Variants in FAR1 observed in about 807,000 individuals in gnomAD.
FAR1 encodes male sterility domain-containing protein 2.
In FAR1, 22 loss-of-function variants were observed where a neutral mutation model predicts 61.1. The observed-to-expected ratio is 0.36, with a 90% CI of 0.26 to 0.51. FAR1 has a LOEUF of 0.51. Ranked by LOEUF, FAR1 falls within the 20% of genes least tolerant of loss-of-function variation. The pLI is 0.95. For missense variants in FAR1, 359 were observed against 626.9 expected (o/e 0.57, Z 4.56); for synonymous variants, 206 against 209.7 (o/e 0.98, Z 0.15).
At chr11:13,689,839 A>G (rs887820590) in intron 1 of FAR1, among the ~76,000 whole-genome samples, 1 of 149,454 alleles carries the variant, frequency 6.7e-6, no homozygotes, top group African/African-American at 2.5e-5. Flanking sequence ...TAACTAATGA[A>G]GTTGAGCCCC....
At chr11:13,697,676 A>G (rs1488366926) in intron 2 of FAR1, among the ~76,000 whole-genome samples, 1 of 152,182 alleles carries the variant, frequency 6.6e-6, no homozygotes, top group African/African-American at 2.4e-5. Context: ...GAGCAGCATG[A>G]TCATGTCCTG....
At chr11:13,672,493 C>G (rs1385930016) in intron 1 of FAR1, among the ~76,000 whole-genome samples, 1 of 149,608 alleles carries the variant, frequency 6.7e-6, no homozygotes, top group Middle Eastern at 3.2e-3. Context: ...TGCAGTGAAC[C>G]TTGATCATGC....
In FAR1 at chr11:13,728,594, T is replaced by C. The variant is rs768032368; in HGVS notation, c.1386-18T>C. ...TCTAGAAAATACTGTCTAACATATCTCTTGATTTGCTTTCCAGGTTGCGGA... is the reference window on the plus strand; with the variant it reads ...TCTAGAAAATACTGTCTAACATATCCCTTGATTTGCTTTCCAGGTTGCGGA... On this transcript the variant is annotated intron_variant, in intron 11 of 11. Transcript: ENST00000354817. The C allele has an allele frequency of 6.2e-7, 1 of 1,605,988 alleles. No homozygotes were observed. Among genetic ancestry groups the C allele is most frequent in the Non-Finnish European group, 8.5e-7 (1 of 1,173,954 alleles).
chr11:13,673,065 A>G (rs2134164932), intron 1 of FAR1, among the ~76,000 whole-genome samples: 1 of 152,312 alleles, frequency 6.6e-6, no homozygotes, highest in South Asian at 2.1e-4. Flanking sequence ...GATATAGCTG[A>G]TCAACTTAAA....
chr11:13,674,317 A>G (rs893734572), intron 1 of FAR1, among the ~76,000 whole-genome samples: 2 of 151,494 alleles, frequency 1.3e-5, no homozygotes, highest in African/African-American at 4.8e-5. Context: ...TCAAAAAAAA[A>G]AAAAAAAGAA....
intron 1 of FAR1, among the ~76,000 whole-genome samples, chr11:13,676,759 GCA>G (rs1169327612): frequency 2.6e-5 from 4 of 152,192 alleles, no homozygotes; most frequent in African/African-American, 9.6e-5. Context: ...ACAGAGCTGT[GCA>G]CAGACTGTTC....
intron 6 of FAR1, 47 bp downstream of exon 6, chr11:13,711,855 T>G: frequency 6.4e-7 from 1 of 1,554,570 alleles, no homozygotes; most frequent in Non-Finnish European, 8.8e-7. Flanking sequence ...ATTTTTCTGC[T>G]TTTTGTATAT....
chr11:13,706,500 T>G (rs190891310), intron 3 of FAR1, among the ~76,000 whole-genome samples: 131 of 142,778 alleles, frequency 9.2e-4, no homozygotes, highest in African/African-American at 3.1e-3. Context: ...TGTTTGTTTT[T>G]ATTTTTTTAA....
intron 9 of FAR1, among the ~76,000 whole-genome samples, chr11:13,719,024 A>G (rs1226108046): frequency 6.6e-6 from 1 of 152,128 alleles, no homozygotes; most frequent in East Asian, 1.9e-4. Context: ...AGAAAGCTCT[A>G]CACCTTTCTG....
intron 1 of FAR1, among the ~76,000 whole-genome samples, chr11:13,687,728 A>C (rs1848203180): frequency 1.3e-5 from 2 of 152,174 alleles, no homozygotes. Flanking sequence ...CAGAGTTTAA[A>C]AATATTTAGT....
chr11:13,717,041 A>G (rs1165732527), intron 9 of FAR1, among the ~76,000 whole-genome samples: 1 of 148,878 alleles, frequency 6.7e-6, no homozygotes, highest in Non-Finnish European at 1.5e-5. Flanking sequence ...TATTGTTGCC[A>G]TCATTTTTGG....
At position 13,713,034 on chromosome 11, in the gene FAR1, G is replaced by T. The variant is rs1324331582; in HGVS notation, c.955+1G>T. The T allele has an allele frequency of 6.2e-7, 1 of 1,611,512 alleles. No homozygotes were observed. The highest frequency in any genetic ancestry group is 8.5e-7 in the Non-Finnish European group (1 of 1,177,836). ...AATCCTTTCCACTGGGGTGAAGTTG[G>T]TATGATTTTACCTGTGTTTTTGAAT... On this transcript the variant is annotated splice_donor_variant, in intron 8 of 11. Transcript: ENST00000354817. LOFTEE classifies it high-confidence loss of function.
At chr11:13,712,185 A>C (rs1483574392) in intron 7 of FAR1, 139 bp downstream of exon 7, 1 of 625,198 alleles carries the variant, frequency 1.6e-6, no homozygotes, top group African/African-American at 1.8e-5. Context: ...CAACTCCAAG[A>C]GTTGGTATTA....
chr11:13,722,466 A>AT (rs926186056), intron 10 of FAR1, among the ~76,000 whole-genome samples: 12 of 148,590 alleles, frequency 8.1e-5, no homozygotes, highest in Middle Eastern at 3.5e-3. Flanking sequence ...CAGTTCTCTA[A>AT]TTTTTTTTTT....
chr11:13,694,641 G>A (rs1848289026), intron 1 of FAR1, 118 bp from the exon 2 acceptor site: 1 of 825,490 alleles, frequency 1.2e-6, no homozygotes, highest in African/African-American at 1.7e-5. Context: ...TCTTGTTAAT[G>A]TTCTATTTTG....
At chr11:13,723,380 A>C (rs904393265) in intron 10 of FAR1, 29 of 418,138 alleles carry the variant, frequency 6.9e-5, no homozygotes, top group African/African-American at 2.8e-4. Flanking sequence ...AAAAAAAAAA[A>C]AAACCCCAAA....
intron 1 of FAR1, among the ~76,000 whole-genome samples, chr11:13,680,289 C>T (rs1408983019): frequency 1.3e-5 from 2 of 152,106 alleles, no homozygotes; most frequent in Non-Finnish European, 2.9e-5. Flanking sequence ...GATAGGTTCT[C>T]ACCCTGTTGC....
At chr11:13,672,442 G>A (rs558184816) in intron 1 of FAR1, among the ~76,000 whole-genome samples, 9 of 151,316 alleles carry the variant, frequency 5.9e-5, no homozygotes, top group South Asian at 2.1e-4. Context: ...TGTAATCCCA[G>A]CTACTTGGGG....
At chr11:13,701,830 C>T (rs763911867) in intron 3 of FAR1, among the ~76,000 whole-genome samples, 11 of 151,976 alleles carry the variant, frequency 7.2e-5, no homozygotes, top group African/African-American at 9.7e-5. Context: ...ATCCATTGTA[C>T]GCTTGAGGAA....
Sources: allele counts gnomAD v4.1 joint callset (sites outside exome capture counted in the v4.1 genomes callset), GRCh38; gene constraint gnomAD v4.1.1; transcripts MANE v1.5; gene names NCBI Gene and HGNC (gene_info 2026-07-23, HGNC 2026-07-21).